The following AHI1 variants were observed in gnomAD, a reference collection of about 807,000 sequenced individuals.
AHI1 encodes jouberin.
A neutral mutation model predicts 149.3 loss-of-function variants in AHI1; 123 were observed. The ratio of observed to expected loss-of-function variants is 0.82; its 90% CI spans 0.71 to 0.96. The LOEUF (loss-of-function observed/expected upper bound fraction) is 0.96, where lower values mean the gene tolerates loss of function less well. AHI1 is among the 40% of genes least tolerant of loss of function. The pLI, the probability that AHI1 is intolerant of heterozygous loss-of-function variation, is 0.00. For synonymous variants in AHI1, 475 were observed against 459.8 expected, an observed-to-expected ratio of 1.03 and a Z score of -0.42; for missense variants, 1,439 against 1,422.7, an observed-to-expected ratio of 1.01 and a Z score of -0.18.
intron 26 of AHI1, among the ~76,000 whole-genome samples, chr6:135,312,991 T>C (rs2128368380): frequency 1.3e-5 from 2 of 152,314 alleles, no homozygotes; most frequent in South Asian, 4.1e-4. Context: ...GGGAGGTTTA[T>C]AAGGTAAGGT....
At chr6:135,471,596 G>GTC (rs773639232) in intron 5 of AHI1, among the ~76,000 whole-genome samples, 1 of 152,046 alleles carries the variant, frequency 6.6e-6, no homozygotes, top group Non-Finnish European at 1.5e-5. Context: ...ATTTTGAAAC[G>GTC]TCCCAAATAC....
chr6:135,381,420 A>C lies in AHI1; in HGVS notation c.3109+13356T>G, dbSNP rs143239166. On this transcript the variant is annotated intron_variant, in intron 23 of 28. Transcript: ENST00000265602. The stretch of plus-strand genomic sequence containing the variant: ...TACAAACACACCCACATAGACATTA[A>C]TATGAAATAAACTGGAGTCCTACTA... 2.6e-5 allele frequency among the ~76,000 whole-genome samples: 4 copies of C among 152,358 alleles called. No homozygotes were observed. In the East Asian group the frequency reaches 7.7e-4, roughly 29 times the overall value.
intron 8 of AHI1, among the ~76,000 whole-genome samples, chr6:135,458,601 C>T (rs773123427): frequency 6.6e-6 from 1 of 152,118 alleles, no homozygotes; most frequent in Non-Finnish European, 1.5e-5. Context: ...GGTCATCTAC[C>T]AATTCTGGTC....
chr6:135,430,122 G>C, intron 17 of AHI1, 122 bp from the exon 18 acceptor site: 1 of 558,378 alleles, frequency 1.8e-6, no homozygotes, highest in East Asian at 3.0e-5. Context: ...CTTTAAAATT[G>C]TTAGCAAAAG....
At chr6:135,463,359 A>G (rs1790231513) in intron 7 of AHI1, 53 bp from the exon 8 acceptor site, 2 of 1,382,020 alleles carry the variant, frequency 1.4e-6, no homozygotes. Flanking sequence ...CATTATAATT[A>G]TTATTCATGA....
At chr6:135,363,795 G>T (rs1258168481) in intron 23 of AHI1, among the ~76,000 whole-genome samples, 1 of 150,234 alleles carries the variant, frequency 6.7e-6, no homozygotes, top group Non-Finnish European at 1.5e-5. Flanking sequence ...TCCGGGACGG[G>T]GTGGTGGCCG....
At chr6:135,376,848 A>C (rs549777713) in intron 23 of AHI1, among the ~76,000 whole-genome samples, 15 of 134,370 alleles carry the variant, frequency 1.1e-4, no homozygotes, top group African/African-American at 3.9e-4. Context: ...CATCATTGCA[A>C]TCCAGCCTCG....
At position 135,370,381 on chromosome 6, in the gene AHI1, G is replaced by T. The variant is rs551775993; in HGVS notation, c.3110-12194C>A. ...GCCTTACTCCCAGTTTCCTGTCAGT[G>T]CTTAAGCTTCAAAAGTCCTCTTGGG... On this transcript the variant is annotated intron_variant, in intron 23 of 28. Coordinates refer to ENST00000265602, the MANE Select transcript of AHI1 (RefSeq NM_001134831.2). Among the ~76,000 whole-genome samples, 11 of 152,314 alleles carry T rather than the reference G, an allele frequency of 7.2e-5. No individual in the cohort carries two copies. The East Asian group carries it at 2.1e-3, about 29-fold the overall frequency.
Position 135,459,467 on chromosome 6 carries a change from A to C in AHI1, c.932-1754T>G, listed in dbSNP as rs79144431. ...AGAAATAAGTAGCAAATCAAACCCA[A>C]ATAAGTACAAAGAAGGAAAATACAG... On this transcript the variant is annotated intron_variant, in intron 8 of 28. Coordinates refer to ENST00000265602, the MANE Select transcript of AHI1 (RefSeq NM_001134831.2). Among the ~76,000 whole-genome samples, 654 of 152,206 alleles carry C rather than the reference A, an allele frequency of 4.3e-3. 5 individuals are homozygous for C. Among genetic ancestry groups the C allele is most frequent in the African/African-American group, 0.015 (627 of 41,544 alleles).
chr6:135,434,633 A>G (rs1259824527), intron 15 of AHI1, among the ~76,000 whole-genome samples: 2 of 152,062 alleles, frequency 1.3e-5, no homozygotes, highest in Non-Finnish European at 2.9e-5. Context: ...CTGAACTGGA[A>G]TCAATGATGG....
At chr6:135,397,814 C>A (rs982409249) in intron 22 of AHI1, among the ~76,000 whole-genome samples, 1 of 152,038 alleles carries the variant, frequency 6.6e-6, no homozygotes, top group Non-Finnish European at 1.5e-5. Context: ...AGATAACACG[C>A]TACATTCACC....
In AHI1 at chr6:135,314,968, T is replaced by G. The variant is rs557655108; in HGVS notation, c.3426+3551A>C. Among the ~76,000 whole-genome samples, 6 of 152,338 alleles carry G rather than the reference T, an allele frequency of 3.9e-5. No individual in the cohort carries two copies. In the East Asian group the frequency reaches 1.2e-3, roughly 29 times the overall value. On this transcript the variant is annotated intron_variant, in intron 26 of 28. Coordinates refer to ENST00000265602, the MANE Select transcript of AHI1 (RefSeq NM_001134831.2). ...AAATCTGCCCTTGCCTACGTCCTAT[T>G]TCACCAACTAAATGTATTTGAAGGG...
rs762949109 is a variant in AHI1 at position 135,431,233 on chromosome 6, G to A, written c.2348C>T (p.Ser783Leu). ...TYVKINDLEHSVHHWTINKEI... is the reference protein window; with the variant it reads ...TYVKINDLEHLVHHWTINKEI... ...CTTATTTATAGTCCAGTGGTGCACT[G>A]AATGTTCCAAATCATTAATCTTGAC... The change falls in exon 17 of 29, where the codon TCA (serine) becomes TTA (leucine). Residue 783 changes from serine (S) to leucine (L), a missense_variant. Coordinates refer to ENST00000265602, the MANE Select transcript of AHI1 (RefSeq NM_001134831.2). 1.9e-6 allele frequency: 3 copies of A among 1,603,092 alleles called. No homozygotes were observed. In the South Asian group the frequency reaches 3.3e-5, roughly 18 times the overall value.
chr6:135,442,889 T>C (rs1308992658), intron 13 of AHI1, among the ~76,000 whole-genome samples, 175 bp from the exon 14 acceptor site: 1 of 152,160 alleles, frequency 6.6e-6, no homozygotes, highest in East Asian at 1.9e-4. Flanking sequence ...AGAGAATCAG[T>C]GTCCATGAAA....
intron 24 of AHI1, among the ~76,000 whole-genome samples, chr6:135,335,175 CAT>C (rs770767855): frequency 2.0e-4 from 31 of 152,264 alleles, no homozygotes; most frequent in East Asian, 9.6e-4. Flanking sequence ...TAGTTTCCCA[CAT>C]GTCACACTGA....
chr6:135,388,986 TG>T (rs1298391086), intron 23 of AHI1, among the ~76,000 whole-genome samples: 1 of 149,588 alleles, frequency 6.7e-6, no homozygotes, highest in Non-Finnish European at 1.5e-5. Flanking sequence ...CACTCCAGCC[TG>T]GGTGACAAGA....
chr6:135,402,329 T>C (rs1290937006), intron 22 of AHI1, among the ~76,000 whole-genome samples: 2 of 152,168 alleles, frequency 1.3e-5, no homozygotes, highest in Admixed American at 6.5e-5. Flanking sequence ...ACATATCCCA[T>C]AGAAATGAGA....
intron 27 of AHI1, among the ~76,000 whole-genome samples, chr6:135,292,713 G>A (rs1434986764): frequency 6.6e-6 from 1 of 152,060 alleles, no homozygotes; most frequent in Non-Finnish European, 1.5e-5. Flanking sequence ...CTTAAAATCC[G>A]TAATTAAAAA....
chr6:135,363,255 G>C (rs374274236), intron 23 of AHI1, among the ~76,000 whole-genome samples: 9 of 147,506 alleles, frequency 6.1e-5, no homozygotes, highest in East Asian at 4.1e-4. Context: ...TGACTCTTAA[G>C]GAGCATGCTG....
Sources: gnomAD v4.1 joint callset for allele counts (sites outside exome capture counted in the v4.1 genomes callset) on GRCh38, gnomAD v4.1.1 for gene constraint, MANE v1.5 for transcripts, NCBI Gene and HGNC (gene_info 2026-07-23, HGNC 2026-07-21) for gene names.